RIN3: variants seen among roughly 807,000 people sequenced by gnomAD.
RIN3 encodes Ras and Rab interactor 3.
Under a neutral mutation model 76.3 loss-of-function variants are expected in RIN3, and 54 were observed. The ratio of observed to expected loss-of-function variants is 0.71; its 90% CI spans 0.57 to 0.89. The LOEUF is 0.89. Among genes scored for constraint, RIN3 ranks in the 40% least tolerant of loss-of-function variants. The probability of loss-of-function intolerance (pLI) is 0.00; values close to 1 mark genes in which losing one functional copy is unlikely to be tolerated. For synonymous variants in RIN3, 576 were observed against 564.0 expected (o/e 1.02, Z -0.30); for missense variants, 1,256 against 1,322.1 (o/e 0.95, Z 0.78).
At chr14:92,553,973 C>T (rs1897508005) in intron 1 of RIN3, among the ~76,000 whole-genome samples, 1 of 152,156 alleles carries the variant, frequency 6.6e-6, no homozygotes, top group African/African-American at 2.4e-5. Context: ...CTGCCTTCCC[C>T]AAGGGGCTCC....
chr14:92,515,443 T>C (rs1048153059), intron 1 of RIN3: 7 of 531,704 alleles, frequency 1.3e-5, no homozygotes, highest in African/African-American at 1.2e-4. Flanking sequence ...TTTTTGTTCA[T>C]TACTGGGTCG....
rs1896527310 is a variant in RIN3, at chr14:92,519,245, G to A, written c.44+5269G>A. Among the ~76,000 whole-genome samples, 3 of 152,340 alleles carry A rather than the reference G, an allele frequency of 2.0e-5. No individual in the cohort carries two copies. In the South Asian group the frequency reaches 6.2e-4, roughly 32 times the overall value. ...CAGGAGACTTTTGGCTCATTACCCT[G>A]ACCAAGCTACCTGGAAGGAAATGGT... On this transcript the variant is annotated intron_variant, in intron 1 of 9. Transcript: ENST00000216487.
intron 4 of RIN3, among the ~76,000 whole-genome samples, chr14:92,636,845 T>C (rs528786267): frequency 6.6e-6 from 1 of 151,476 alleles, no homozygotes; most frequent in East Asian, 1.9e-4. Context: ...AGGCTGGGAG[T>C]TCAAGACAGG....
At chr14:92,579,081 C>T (rs917457821) in intron 3 of RIN3, among the ~76,000 whole-genome samples, 1 of 152,146 alleles carries the variant, frequency 6.6e-6, no homozygotes, top group African/African-American at 2.4e-5. Flanking sequence ...GCATGTGCCA[C>T]CACACCCGGC....
chr14:92,548,493 G>T (rs1812051384), intron 1 of RIN3, among the ~76,000 whole-genome samples: 1 of 152,172 alleles, frequency 6.6e-6, no homozygotes, highest in African/African-American at 2.4e-5. Flanking sequence ...TTTTCTTGTG[G>T]TTCTCAAGGC....
At chr14:92,582,422 T>G (rs192056263) in intron 3 of RIN3, among the ~76,000 whole-genome samples, 132 of 151,264 alleles carry the variant, frequency 8.7e-4, no homozygotes, top group African/African-American at 2.1e-3. Flanking sequence ...GTGTGTGTGG[T>G]TTTGCTGTTT....
chr14:92,515,228 C>T lies in RIN3; in HGVS notation c.44+1252C>T, dbSNP rs768780330. On this transcript the variant is annotated intron_variant, in intron 1 of 9. Transcript: ENST00000216487. ...GACCTCTGCAAAGACAAATACCATC[C>T]GGTGGGAAGAACTGGGAATCCGTTG... is the stretch of plus-strand genomic sequence containing the variant. 3 of 700,362 alleles carry T rather than the reference C, an allele frequency of 4.3e-6. No homozygotes were observed. The South Asian group carries it at 4.5e-5, about 10-fold the overall frequency. 43.4% of individuals were successfully genotyped at this position (700,362 alleles called of 1,614,324 possible).
chr14:92,538,440 A>G (rs1316462668), intron 1 of RIN3, among the ~76,000 whole-genome samples: 2 of 152,170 alleles, frequency 1.3e-5, no homozygotes, highest in African/African-American at 2.4e-5. Context: ...CCCTTATTCT[A>G]TGCCGGGCTT....
intron 4 of RIN3, among the ~76,000 whole-genome samples, chr14:92,624,082 G>A (rs559266968): frequency 3.3e-5 from 5 of 152,274 alleles, no homozygotes; most frequent in Non-Finnish European, 7.3e-5. Context: ...AAGCGTAACA[G>A]TCGCTTTTGT....
intron 1 of RIN3, among the ~76,000 whole-genome samples, chr14:92,530,288 C>T (rs1184620446): frequency 1.3e-5 from 2 of 152,176 alleles, no homozygotes; most frequent in Non-Finnish European, 2.9e-5. Flanking sequence ...TCCCCTCTCA[C>T]CTTCAGTGAC....
intron 4 of RIN3, among the ~76,000 whole-genome samples, chr14:92,630,342 A>G (rs1052924685): frequency 1.3e-5 from 2 of 152,162 alleles, no homozygotes; most frequent in African/African-American, 4.8e-5. Context: ...AAATGGAAAA[A>G]TTAGCCGGGT....
At chr14:92,542,912 G>T (rs962323838) in intron 1 of RIN3, among the ~76,000 whole-genome samples, 2 of 152,164 alleles carry the variant, frequency 1.3e-5, no homozygotes, top group Admixed American at 1.3e-4. Context: ...AAGATGAGTG[G>T]TTGCCTCGGG....
chr14:92,538,892 C>T (rs569304948), intron 1 of RIN3, among the ~76,000 whole-genome samples: 8 of 152,048 alleles, frequency 5.3e-5, no homozygotes, highest in East Asian at 3.9e-4. Context: ...GACTATGTCT[C>T]GGTTTCTTCT....
Position 92,596,365 on chromosome 14 carries a change from G to A in RIN3, c.367+18888G>A, listed in dbSNP as rs529850779. On this transcript the variant is annotated intron_variant, in intron 3 of 9. Coordinates refer to ENST00000216487, the MANE Select transcript of RIN3 (RefSeq NM_024832.5). Reference sequence around the variant, plus strand: ...ACATTGGCCCGTCTGTCTTCATAACGCTATGAAACAGGTGGTAGGATCTCT... The same window carrying A: ...ACATTGGCCCGTCTGTCTTCATAACACTATGAAACAGGTGGTAGGATCTCT... 1.2e-4 allele frequency among the ~76,000 whole-genome samples: 19 copies of A among 152,270 alleles called. No homozygotes were observed. The East Asian group carries it at 3.1e-3, about 25-fold the overall frequency.
intron 4 of RIN3, 133 bp downstream of exon 4, chr14:92,615,612 A>G: frequency 1.3e-6 from 1 of 755,716 alleles, no homozygotes; most frequent in Non-Finnish European, 2.3e-6. Context: ...GAGAGAGGGC[A>G]CAGGCCCCTC....
chr14:92,545,851 A>G (rs1897249952), intron 1 of RIN3, among the ~76,000 whole-genome samples: 1 of 152,122 alleles, frequency 6.6e-6, no homozygotes, highest in African/African-American at 2.4e-5. Flanking sequence ...AAATCAGGAA[A>G]TTAACATTCA....
intron 3 of RIN3, among the ~76,000 whole-genome samples, chr14:92,600,092 A>G (rs1278389698): frequency 6.6e-6 from 1 of 152,246 alleles, no homozygotes; most frequent in Non-Finnish European, 1.5e-5. Flanking sequence ...AGTGCTCTAA[A>G]TAACACCCCT....
intron 9 of RIN3, chr14:92,687,021 C>G: frequency 6.6e-6 from 1 of 152,346 alleles, no homozygotes. Context: ...AGCCGGGATC[C>G]TCAGCCGCTT....
Position 92,652,212 on chromosome 14 carries a change from G to A in RIN3, c.1163G>A (p.Arg388Lys), listed in dbSNP as rs1239877868. The change falls in exon 6 of 10, where the codon AGA (arginine) becomes AAA (lysine). Residue 388 changes from arginine (R) to lysine (K), a missense_variant. Arg to Lys is a conservative substitution (Grantham distance 26). Coordinates refer to ENST00000216487, the MANE Select transcript of RIN3 (RefSeq NM_024832.5). The surrounding 1 kb of genome is among the most constrained non-coding windows in gnomAD (Gnocchi z 6.4). ...AKKNLPTAPP[R>K]RRVSERVSLE... The stretch of plus-strand genomic sequence containing the variant: ...AAGAACCTTCCCACTGCCCCTCCCA[G>A]ACGCCGCGTTTCCGAGAGGGTGTCC... 6.2e-7 allele frequency: 1 copy of A among 1,606,832 alleles called. No homozygotes were observed. Among genetic ancestry groups the A allele is most frequent in the East Asian group, 2.2e-5 (1 of 44,676 alleles).
Sources: allele counts gnomAD v4.1 joint callset (sites outside exome capture counted in the v4.1 genomes callset), GRCh38; gene constraint gnomAD v4.1.1; non-coding constraint Gnocchi (gnomAD v3.1); transcripts MANE v1.5; gene names NCBI Gene and HGNC (gene_info 2026-07-23, HGNC 2026-07-21).